CSMD3: variants seen among roughly 807,000 people sequenced by gnomAD.
CSMD3 encodes the protein CUB and sushi domain-containing protein 3.
Under a neutral mutation model 435.2 loss-of-function variants are expected in CSMD3, and 177 were observed. The observed-to-expected ratio is 0.41, with a 90% CI of 0.36 to 0.46. The LOEUF is 0.46. Ranked by LOEUF, CSMD3 falls within the 20% of genes least tolerant of loss-of-function variation. The pLI is 0.34. For synonymous variants in CSMD3, 1,656 were observed against 1,520.5 expected, an observed-to-expected ratio of 1.09 and a Z score of -2.07; for missense variants, 4,265 against 4,504.6, an observed-to-expected ratio of 0.95 and a Z score of 1.52.
At chr8:113,435,919 C>G (rs1275553131) in intron 1 of CSMD3, among the ~76,000 whole-genome samples, 1 of 152,044 alleles carries the variant, frequency 6.6e-6, no homozygotes, top group East Asian at 1.9e-4. Context: ...TACCCCCTCC[C>G]CTATCTGTGC....
intron 1 of CSMD3, among the ~76,000 whole-genome samples, chr8:113,392,300 G>A (rs901131369): frequency 4.6e-5 from 7 of 152,034 alleles, no homozygotes; most frequent in African/African-American, 1.7e-4. Flanking sequence ...CCCCTCTGTT[G>A]CTTAGGAGTT....
intron 35 of CSMD3, among the ~76,000 whole-genome samples, chr8:112,391,259 G>A (rs1830387951): frequency 1.3e-5 from 2 of 152,004 alleles, no homozygotes; most frequent in South Asian, 4.2e-4. Flanking sequence ...TACTATATGC[G>A]AGGCACCCTT....
At chr8:112,846,849 T>G (rs2080336766) in intron 11 of CSMD3, among the ~76,000 whole-genome samples, 1 of 151,782 alleles carries the variant, frequency 6.6e-6, no homozygotes, top group Non-Finnish European at 1.5e-5. Context: ...TTGGTAGGGG[T>G]TAGGAATAGT....
chr8:112,966,693 T>C (rs1045977599), intron 7 of CSMD3, among the ~76,000 whole-genome samples: 19 of 151,830 alleles, frequency 1.3e-4, no homozygotes, highest in African/African-American at 4.1e-4. Context: ...TTCTTATTCA[T>C]CTATTCCTTT....
chr8:112,509,777 TG>T (rs1318522288), intron 28 of CSMD3, among the ~76,000 whole-genome samples: 2 of 152,158 alleles, frequency 1.3e-5, no homozygotes, highest in Non-Finnish European at 2.9e-5. Flanking sequence ...CATTTTTCCT[TG>T]TTGACCATAT....
intron 18 of CSMD3, among the ~76,000 whole-genome samples, chr8:112,653,282 A>G (rs2075174436): frequency 6.6e-6 from 1 of 152,228 alleles, no homozygotes; most frequent in Non-Finnish European, 1.5e-5. Flanking sequence ...TTTATGTAAT[A>G]CAACGTTTGA....
chr8:112,492,092 T>C (rs1820760029), intron 31 of CSMD3, among the ~76,000 whole-genome samples: 1 of 152,216 alleles, frequency 6.6e-6, no homozygotes, highest in African/African-American at 2.4e-5. Context: ...TTCTTAATAA[T>C]ATTTAAATTA....
chr8:112,739,758 T>C (rs373469429), intron 13 of CSMD3, among the ~76,000 whole-genome samples: 27 of 151,942 alleles, frequency 1.8e-4, no homozygotes, highest in African/African-American at 6.5e-4. Context: ...TGTATAGCAT[T>C]GTATAGATAA....
chr8:112,960,361 T>A lies in CSMD3; in HGVS notation c.1343-5600A>T, dbSNP rs879469969. On this transcript the variant is annotated intron_variant, in intron 7 of 70. Transcript: ENST00000297405. Reference sequence around the variant, plus strand: ...TATTTCTGCAGTATCTCCTTTAACATCTTTCATATAAGATTTACTACTGTA... The same window carrying A: ...TATTTCTGCAGTATCTCCTTTAACAACTTTCATATAAGATTTACTACTGTA... Among the ~76,000 whole-genome samples the A allele has an allele frequency of 5.3e-5, 8 of 151,760 alleles. 1 individual carries two copies. Among genetic ancestry groups the A allele is most frequent in the Admixed American group, 5.3e-4 (8 of 15,230 alleles).
chr8:113,414,881 A>T (rs1346291482), intron 1 of CSMD3, among the ~76,000 whole-genome samples: 1 of 152,012 alleles, frequency 6.6e-6, no homozygotes, highest in Non-Finnish European at 1.5e-5. Context: ...CAGGAGAATC[A>T]CTTCAGCCCA....
At chr8:112,876,757 G>C (rs2081294184) in intron 10 of CSMD3, among the ~76,000 whole-genome samples, 1 of 152,110 alleles carries the variant, frequency 6.6e-6, no homozygotes, top group Non-Finnish European at 1.5e-5. Context: ...GTTCTGGCCA[G>C]GGAAATCAGG....
chr8:112,373,643 C>A (rs1828663064), intron 38 of CSMD3, among the ~76,000 whole-genome samples: 1 of 152,076 alleles, frequency 6.6e-6, no homozygotes, highest in Non-Finnish European at 1.5e-5. Context: ...ATTTCTGTAT[C>A]TAGTTATTAA....
chr8:113,219,109 A>C lies in CSMD3; in HGVS notation c.515-45193T>G, dbSNP rs185525577. ...TATTGTATAAATACATCAATCTAAA[A>C]TCAATATCTTATTTAAAGGAGGAAA... is the stretch of plus-strand genomic sequence containing the variant. On this transcript the variant is annotated intron_variant, in intron 3 of 70. Coordinates refer to ENST00000297405, the MANE Select transcript of CSMD3 (RefSeq NM_198123.2). 5.5e-3 allele frequency among the ~76,000 whole-genome samples: 829 copies of C among 151,574 alleles called. 12 individuals are homozygous for C. The highest frequency in any genetic ancestry group is 0.019 in the African/African-American group (799 of 41,472).
intron 27 of CSMD3, among the ~76,000 whole-genome samples, chr8:112,529,895 A>C (rs1825355247): frequency 6.6e-6 from 1 of 152,184 alleles, no homozygotes; most frequent in Admixed American, 6.6e-5. Flanking sequence ...AATAACTATC[A>C]TAAAGATGCT....
chr8:113,148,451 A>G lies in CSMD3; in HGVS notation c.709+25271T>C, dbSNP rs1588153950. On this transcript the variant is annotated intron_variant, in intron 4 of 70. Coordinates refer to ENST00000297405, the MANE Select transcript of CSMD3 (RefSeq NM_198123.2). ...TAGCTCTTATGATAAATGTAACTGT[A>G]TCTTCTGTGTAATTATTTTATTTAT... Among the ~76,000 whole-genome samples, 6 of 151,882 alleles carry G rather than the reference A, an allele frequency of 4.0e-5. 1 individual carries two copies. In the Admixed American group the frequency reaches 4.0e-4, roughly 10 times the overall value.
intron 59 of CSMD3, among the ~76,000 whole-genome samples, chr8:112,266,701 A>G (rs1433227481): frequency 6.6e-6 from 1 of 152,210 alleles, no homozygotes; most frequent in East Asian, 1.9e-4. Context: ...GAGACAGCTT[A>G]GAAACACAAA....
intron 23 of CSMD3, among the ~76,000 whole-genome samples, chr8:112,584,689 A>G (rs920468635): frequency 6.6e-6 from 1 of 151,774 alleles, no homozygotes; most frequent in East Asian, 1.9e-4. Flanking sequence ...TGTCATTCCA[A>G]AAAATATAAT....
At chr8:113,268,242 C>T (rs2093488667) in intron 3 of CSMD3, among the ~76,000 whole-genome samples, 1 of 151,810 alleles carries the variant, frequency 6.6e-6, no homozygotes, top group African/African-American at 2.4e-5. Flanking sequence ...CCCTTTGTTC[C>T]ACAGAACACA....
intron 64 of CSMD3, among the ~76,000 whole-genome samples, chr8:112,245,489 C>T (rs371120979): frequency 6.6e-6 from 1 of 151,994 alleles, no homozygotes; most frequent in African/African-American, 2.4e-5. Flanking sequence ...TAATAGCTAA[C>T]ATTTTTTTAC....
Sources: gnomAD v4.1 joint callset for allele counts (sites outside exome capture counted in the v4.1 genomes callset) on GRCh38, gnomAD v4.1.1 for gene constraint, MANE v1.5 for transcripts, NCBI Gene and HGNC (gene_info 2026-07-23, HGNC 2026-07-21) for gene names.